Variants in FMN1 observed in about 807,000 individuals in gnomAD.
The protein encoded by FMN1 is formin 1.
FMN1 carries 110 observed loss-of-function variants against 132.4 expected under a neutral mutation model. That is an observed-to-expected ratio of 0.83 (90% CI 0.71 to 0.97). The LOEUF (loss-of-function observed/expected upper bound fraction) is 0.97. Among genes scored for constraint, FMN1 ranks in the 50% least tolerant of loss-of-function variants. The pLI is 0.00. For missense variants in FMN1, 1,792 were observed against 1,705.3 expected (o/e 1.05, Z -0.90); for synonymous variants, 722 against 651.7 (o/e 1.11, Z -1.64).
intron 4 of FMN1, among the ~76,000 whole-genome samples, chr15:33,125,446 ATTAT>A (rs1464232179): frequency 3.9e-5 from 6 of 152,138 alleles, no homozygotes; most frequent in African/African-American, 1.4e-4. Flanking sequence ...TGTGTAGAAG[ATTAT>A]TTAAAGGAAA....
chr15:32,780,572 T>A lies in FMN1; in HGVS notation c.4131-3653A>T, dbSNP rs533330146. Among the ~76,000 whole-genome samples the A allele has an allele frequency of 2.9e-4, 44 of 152,342 alleles. No individual in the cohort carries two copies. In the South Asian group the frequency reaches 8.3e-3, roughly 29 times the overall value. ...TCTGCCTATGGAGTAGCCATTCTTT[T>A]ATTCCTTTACTTTCCTGATAAACTT... On this transcript the variant is annotated intron_variant, in intron 19 of 20. Coordinates refer to ENST00000616417, the MANE Select transcript of FMN1 (RefSeq NM_001277313.2).
intron 19 of FMN1, among the ~76,000 whole-genome samples, chr15:32,783,185 T>A (rs1223442221): frequency 6.6e-6 from 1 of 152,092 alleles, no homozygotes; most frequent in African/African-American, 2.4e-5. Flanking sequence ...ATGGCAATCC[T>A]TACAAAAGAA....
chr15:33,071,385 C>G (rs917956079), intron 5 of FMN1, among the ~76,000 whole-genome samples: 3 of 152,192 alleles, frequency 2.0e-5, no homozygotes, highest in African/African-American at 7.2e-5. Context: ...CCCTACCATT[C>G]TCCTTCATTT....
intron 10 of FMN1, among the ~76,000 whole-genome samples, chr15:32,921,851 T>C (rs887155890): frequency 6.6e-6 from 1 of 152,056 alleles, no homozygotes; most frequent in Non-Finnish European, 1.5e-5. Flanking sequence ...TTTTGTGTTT[T>C]TTGTAGAGAT....
intron 10 of FMN1, among the ~76,000 whole-genome samples, chr15:32,917,625 G>A (rs1236187995): frequency 6.6e-6 from 1 of 152,268 alleles, no homozygotes; most frequent in African/African-American, 2.4e-5. Context: ...AAGGCACAAA[G>A]TCACACTGCT....
chr15:33,114,843 A>G (rs2039851929), intron 4 of FMN1, among the ~76,000 whole-genome samples: 1 of 152,170 alleles, frequency 6.6e-6, no homozygotes, highest in South Asian at 2.1e-4. Context: ...GACTTCTGGA[A>G]ATTAACTTTT....
chr15:32,849,492 T>A (rs2058953558), intron 17 of FMN1, among the ~76,000 whole-genome samples: 1 of 152,146 alleles, frequency 6.6e-6, no homozygotes, highest in African/African-American at 2.4e-5. Flanking sequence ...TGCTTAGTAT[T>A]CCAATGTATG....
chr15:32,978,763 C>T lies in FMN1; in HGVS notation c.2224-9286G>A, dbSNP rs1168040390. Among the ~76,000 whole-genome samples, 8 of 152,160 alleles carry T rather than the reference C, an allele frequency of 5.3e-5. No individual in the cohort carries two copies. In the East Asian group the frequency reaches 5.8e-4, roughly 11 times the overall value. ...GATGCCTCACACACTTGTCTATAAA[C>T]GGATACTATCCCATGGCCAATGTCC... On this transcript the variant is annotated intron_variant, in intron 7 of 20. Coordinates refer to ENST00000616417, the MANE Select transcript of FMN1 (RefSeq NM_001277313.2).
chr15:32,841,137 T>C (rs1596058579), intron 17 of FMN1, among the ~76,000 whole-genome samples: 1 of 152,222 alleles, frequency 6.6e-6, no homozygotes, highest in Non-Finnish European at 1.5e-5. Flanking sequence ...GATCTTGGGT[T>C]GGATCATCAC....
intron 6 of FMN1, among the ~76,000 whole-genome samples, chr15:33,018,319 G>A (rs1385867074): frequency 1.3e-5 from 2 of 151,926 alleles, no homozygotes; most frequent in Non-Finnish European, 2.9e-5. Flanking sequence ...AAGCCTTTAG[G>A]TAGCTTCAGG....
At chr15:32,957,719 T>C (rs1037936105) in intron 9 of FMN1, among the ~76,000 whole-genome samples, 3 of 152,238 alleles carry the variant, frequency 2.0e-5, no homozygotes, top group Non-Finnish European at 4.4e-5. Flanking sequence ...ATGCAAAGAA[T>C]ACTTAACGTA....
chr15:32,992,022 C>T (rs1319250132), intron 7 of FMN1, among the ~76,000 whole-genome samples: 1 of 152,084 alleles, frequency 6.6e-6, no homozygotes, highest in South Asian at 2.1e-4. Context: ...GGATTCAAGC[C>T]CTTTGATCCT....
At chr15:33,009,928 C>G (rs1404616561) in intron 6 of FMN1, among the ~76,000 whole-genome samples, 1 of 151,774 alleles carries the variant, frequency 6.6e-6, no homozygotes, top group Non-Finnish European at 1.5e-5. Flanking sequence ...CACTCGTTTC[C>G]CAGGCTAAAG....
rs1352630112 is a variant in FMN1, at chr15:32,785,171, T to TAC, written c.4131-8253_4131-8252insGT. ...GTGTGTGTATACGTACGTGTGTGTG[T>TAC]GTGTGTGTGTGTGTGTGTGTGTGTG... On this transcript the variant is annotated intron_variant, in intron 19 of 20. Coordinates refer to ENST00000616417, the MANE Select transcript of FMN1 (RefSeq NM_001277313.2). Among the ~76,000 whole-genome samples the TAC allele has an allele frequency of 9.5e-4, 15 of 15,822 alleles. 1 individual carries two copies. The highest frequency in any genetic ancestry group is 1.9e-3 in the African/African-American group (11 of 5,938). The allele number at this position is 15,822 out of a possible 152,430, so 10.4% of individuals were successfully genotyped here. A position where few individuals can be genotyped will look rare whatever the true frequency, so the allele number is the denominator to read the frequency against.
At chr15:32,954,377 C>T (rs138450208) in intron 9 of FMN1, among the ~76,000 whole-genome samples, 1 of 152,284 alleles carries the variant, frequency 6.6e-6, no homozygotes, top group African/African-American at 2.4e-5. Context: ...ATGTGTAATA[C>T]CCTCATCTAT....
chr15:33,165,139 A>G (rs953884589), intron 3 of FMN1, among the ~76,000 whole-genome samples: 2 of 152,250 alleles, frequency 1.3e-5, no homozygotes, highest in African/African-American at 4.8e-5. Flanking sequence ...CAATGGTGAC[A>G]GCACAGCATC....
chr15:33,155,409 G>A (rs937066499), intron 3 of FMN1, among the ~76,000 whole-genome samples: 5 of 152,058 alleles, frequency 3.3e-5, no homozygotes, highest in Admixed American at 6.6e-5. Flanking sequence ...CTTATCTAGG[G>A]GGCTTTGAGA....
intron 8 of FMN1, among the ~76,000 whole-genome samples, chr15:32,967,785 T>C (rs900359049): frequency 6.6e-6 from 1 of 152,236 alleles, no homozygotes; most frequent in Admixed American, 6.5e-5. Flanking sequence ...TTGTGTGTTA[T>C]TTTGTTTCAT....
At chr15:32,840,892 T>C (rs1039288114) in intron 17 of FMN1, among the ~76,000 whole-genome samples, 5 of 152,184 alleles carry the variant, frequency 3.3e-5, no homozygotes, top group Non-Finnish European at 7.4e-5. Context: ...GAAGAACAGA[T>C]AATTGCTCAT....
Sources: allele counts gnomAD v4.1 joint callset (sites outside exome capture counted in the v4.1 genomes callset), GRCh38; gene constraint gnomAD v4.1.1; transcripts MANE v1.5; gene names NCBI Gene and HGNC (gene_info 2026-07-23, HGNC 2026-07-21).